The following FKBP2 variants were observed in gnomAD, a reference collection of about 807,000 sequenced individuals.
FKBP2 encodes the protein peptidyl-prolyl cis-trans isomerase FKBP2.
A neutral mutation model predicts 19.4 loss-of-function variants in FKBP2; 15 were observed. The ratio of observed to expected loss-of-function variants is 0.77; its 90% CI spans 0.52 to 1.19. The LOEUF (loss-of-function observed/expected upper bound fraction) is 1.19. Among genes scored for constraint, FKBP2 ranks in the 50% most tolerant of loss-of-function variants. The probability of loss-of-function intolerance (pLI) is 0.00; values close to 1 mark genes in which losing one functional copy is unlikely to be tolerated. For missense variants in FKBP2, 170 were observed against 179.0 expected (o/e 0.95, Z 0.29); for synonymous variants, 76 against 74.8 (o/e 1.02, Z -0.08).
intron 3 of FKBP2, 64 bp from the exon 4 acceptor site, chr11:64,243,387 G>A: frequency 6.2e-7 from 1 of 1,609,092 alleles, no homozygotes; most frequent in Non-Finnish European, 8.5e-7. Flanking sequence ...TGGGAGGCAA[G>A]CCCCAGGGAT....
Position 64,243,445 on chromosome 11 carries a change from C to T in FKBP2, c.285-6C>T, listed in dbSNP as rs370266924. The stretch of plus-strand genomic sequence containing the variant: ...TGCCATGGGCTGAGCATGTGTCTTC[C>T]TGCAGGATGTGTGAGGGGGAAAAGC... On this transcript the variant is annotated splice_region_variant and splice_polypyrimidine_tract_variant and intron_variant, in intron 3 of 5. Transcript: ENST00000309366. The T allele has an allele frequency of 9.9e-6, 16 of 1,614,054 alleles. No homozygotes were observed. The highest frequency in any genetic ancestry group is 1.7e-4 in the Middle Eastern group (1 of 6,014).
At chr11:64,242,113 T>TG in intron 1 of FKBP2, 1 of 397,312 alleles carries the variant, frequency 2.5e-6, no homozygotes. Flanking sequence ...AGGGAAGGTA[T>TG]GGGGGTGAGC....
chr11:64,243,279 G>A lies in FKBP2; in HGVS notation c.252G>A (p.Gln84=). The A allele has an allele frequency of 1.2e-6, 2 of 1,610,204 alleles. No homozygotes were observed. Among genetic ancestry groups the A allele is most frequent in the Non-Finnish European group, 1.7e-6 (2 of 1,177,868 alleles). The change falls in exon 3 of 6, where the codon CAG becomes CAA. Residue 84 remains glutamine (Q), a synonymous_variant. Transcript: ENST00000309366. Reference sequence around the variant, plus strand: ...TTGTCTTCTCCCTTGGCACAGGCCAGGTCATCAAGGGCTGGGACCAGGGGC... The same window carrying A: ...TTGTCTTCTCCCTTGGCACAGGCCAAGTCATCAAGGGCTGGGACCAGGGGC... ...QPFVFSLGTG[Q]VIKGWDQGLL...
At chr11:64,243,097 TGTGGGTGGGC>T in intron 2 of FKBP2, 92 bp from the exon 3 acceptor site, 1 of 1,000,214 alleles carries the variant, frequency 1.0e-6, no homozygotes, top group Non-Finnish European at 1.6e-6. Context: ...CCACCAGGGC[TGTGGGTGGGC>T]GTGGGGGGGC....
At chr11:64,243,151 G>A (rs957786514) in intron 2 of FKBP2, 48 bp from the exon 3 acceptor site, 1 of 1,540,300 alleles carries the variant, frequency 6.5e-7, no homozygotes, top group East Asian at 2.2e-5. Flanking sequence ...GGGAGGGGGT[G>A]TCAGGGGTGG....
At position 64,244,101 on chromosome 11, in the gene FKBP2, A is replaced by C; in HGVS notation, c.*72A>C. 6.5e-7 allele frequency: 1 copy of C among 1,538,356 alleles called. No individual in the cohort carries two copies. The highest frequency in any genetic ancestry group is 1.2e-5 in the South Asian group (1 of 86,718). ...CTGTTCCAAAAAAAAAACAAAAAAC[A>C]AAAACAAACAAAAAAACACTTAAAA... On this transcript the variant is annotated 3_prime_UTR_variant, in exon 6 of 6. Transcript: ENST00000309366.
At chr11:64,243,161 G>A in intron 2 of FKBP2, 38 bp from the exon 3 acceptor site, 1 of 1,580,278 alleles carries the variant, frequency 6.3e-7, no homozygotes, top group Non-Finnish European at 8.7e-7. Context: ...GTCAGGGGTG[G>A]TCCCCTCTTC....
intron 2 of FKBP2, 109 bp from the exon 3 acceptor site, chr11:64,243,090 C>G (rs2030641420): frequency 2.1e-6 from 2 of 960,814 alleles, no homozygotes; most frequent in East Asian, 4.9e-5. Flanking sequence ...GGACTGACCA[C>G]CAGGGCTGTG....
chr11:64,243,936 G>C, intron 5 of FKBP2, 32 bp from the exon 6 acceptor site: 2 of 1,614,054 alleles, frequency 1.2e-6, no homozygotes, highest in Non-Finnish European at 1.7e-6. Context: ...TGTGGCCCTG[G>C]TTGGCATTTT....
intron 1 of FKBP2, 146 bp from the exon 2 acceptor site, chr11:64,242,238 G>A (rs2030555476): frequency 1.3e-6 from 1 of 758,012 alleles, no homozygotes; most frequent in South Asian, 2.4e-5. Flanking sequence ...GGAGCCCGGG[G>A]GAGAGGGCGG....
In FKBP2 at chr11:64,244,035, CTG is replaced by C; in HGVS notation, c.*7_*8del. The C allele has an allele frequency of 1.9e-6, 3 of 1,613,694 alleles. No homozygotes were observed. The highest frequency in any genetic ancestry group is 2.5e-6 in the Non-Finnish European group (3 of 1,179,880). The stretch of plus-strand genomic sequence containing the variant: ...AGCGACGAACTGAGCTGTAACCAGA[CTG>C]GGGAGGGGCAGGGGGAGAGGCCCCC... On this transcript the variant is annotated 3_prime_UTR_variant, in exon 6 of 6. Transcript: ENST00000309366.
rs2030755406 is a variant in FKBP2 at position 64,244,127 on chromosome 11, G to C, written c.*98G>C. On this transcript the variant is annotated 3_prime_UTR_variant, in exon 6 of 6. Coordinates refer to ENST00000309366, the MANE Select transcript of FKBP2 (RefSeq NM_004470.4). ...AAAACAAACAAAAAAACACTTAAAA[G>C]CCCAAGGAGTAAGCCTGTGTGTGTT... is the stretch of plus-strand genomic sequence containing the variant. 1.1e-5 allele frequency: 15 copies of C among 1,354,816 alleles called. No individual in the cohort carries two copies. The South Asian group carries it at 1.7e-4, about 16-fold the overall frequency. The allele number at this position is 1,354,816 out of a possible 1,614,324, so 83.9% of individuals were successfully genotyped here.
At chr11:64,242,357 T>G in intron 1 of FKBP2, 27 bp from the exon 2 acceptor site, 1 of 1,471,282 alleles carries the variant, frequency 6.8e-7, no homozygotes, top group Non-Finnish European at 9.0e-7. Context: ...CCACGTTCAG[T>G]CGGTCGGTCG....
Position 64,242,405 on chromosome 11 carries a change from C to G in FKBP2, c.18C>G (p.Phe6Leu). 1 of 1,543,786 alleles carries G rather than the reference C, an allele frequency of 6.5e-7. No individual in the cohort carries two copies. Among genetic ancestry groups the G allele is most frequent in the Non-Finnish European group, 8.7e-7 (1 of 1,149,196 alleles). ...ACAGAGACATGAGGCTGAGCTGGTT[C>G]CGGGTCCTGACAGTACTGTCCATCT... MRLSW[F>L]RVLTVLSICL... is the part of the protein sequence containing the mutation. The change falls in exon 2 of 6, where the codon TTC (phenylalanine) becomes TTG (leucine). Residue 6 changes from phenylalanine to leucine, a missense_variant. Transcript: ENST00000309366.
intron 5 of FKBP2, 33 bp downstream of exon 5, chr11:64,243,909 C>T (rs2030730630): frequency 3.7e-6 from 6 of 1,614,076 alleles, no homozygotes; most frequent in East Asian, 2.2e-5. Context: ...CCATCACCTG[C>T]AGCCAGCCCA....
intron 1 of FKBP2, chr11:64,241,951 C>G (rs1445497626): frequency 6.4e-6 from 1 of 156,460 alleles, no homozygotes; most frequent in African/African-American, 2.4e-5. Context: ...CTGCAGCGGC[C>G]GCAGAGGTGT....
intron 1 of FKBP2, chr11:64,241,669 C>T (rs941783496): frequency 2.0e-5 from 3 of 152,242 alleles, no homozygotes; most frequent in South Asian, 2.0e-4. Context: ...CGAGTAATGG[C>T]CCCGGGCGTC....
At chr11:64,243,377 T>C in intron 3 of FKBP2, 66 bp downstream of exon 3, 4 of 1,606,748 alleles carry the variant, frequency 2.5e-6, no homozygotes, top group South Asian at 1.1e-5. Flanking sequence ...AGGTAAGCTG[T>C]GGGAGGCAAG....
chr11:64,242,469 A>C lies in FKBP2; in HGVS notation c.82A>C (p.Lys28Gln). 1 of 1,550,214 alleles carries C rather than the reference A, an allele frequency of 6.5e-7. No homozygotes were observed. Among genetic ancestry groups the C allele is most frequent in the Non-Finnish European group, 8.7e-7 (1 of 1,155,366 alleles). ...GGCCACGGCCACGGGGGCCGAGGGC[A>C]AAAGGAAGCTGCAGATCGGGGTCAA... ...AVATATGAEG[K>Q]RKLQIGVKKR... Residue 28 changes from lysine to glutamine, a missense_variant, in exon 2 of 6, where the codon AAA (lysine) becomes CAA (glutamine). Physicochemically the swap from Lys to Gln is moderately conservative, Grantham distance 53. Transcript: ENST00000309366.
Sources: allele counts gnomAD v4.1 joint callset, GRCh38; gene constraint gnomAD v4.1.1; transcripts MANE v1.5; gene names NCBI Gene and HGNC (gene_info 2026-07-23, HGNC 2026-07-21).